FSTL5: variants seen among roughly 807,000 people sequenced by gnomAD.
FSTL5 encodes follistatin like 5, also known as follistatin-related protein 5.
Under a neutral mutation model 89.1 loss-of-function variants are expected in FSTL5, and 62 were observed. The observed-to-expected ratio is 0.70, with a 90% CI of 0.57 to 0.86. FSTL5 has a LOEUF of 0.86. Among genes scored for constraint, FSTL5 ranks in the 40% least tolerant of loss-of-function variants. FSTL5 has a pLI of 0.00. For synonymous variants in FSTL5, 383 were observed against 346.2 expected, an observed-to-expected ratio of 1.11 and a Z score of -1.18; for missense variants, 1,057 against 1,001.6, an observed-to-expected ratio of 1.06 and a Z score of -0.75.
chr4:161,940,651 T>G (rs1471981981), intron 3 of FSTL5, among the ~76,000 whole-genome samples: 1 of 151,844 alleles, frequency 6.6e-6, no homozygotes, highest in Non-Finnish European at 1.5e-5. Flanking sequence ...CCACCAATAA[T>G]TCTGTATCAG....
chr4:161,860,913 TCA>T (rs539227597), intron 4 of FSTL5, among the ~76,000 whole-genome samples: 6 of 151,060 alleles, frequency 4.0e-5, no homozygotes, highest in Middle Eastern at 3.4e-3. Context: ...CCTCTCTCTC[TCA>T]CACACACACA....
intron 3 of FSTL5, among the ~76,000 whole-genome samples, chr4:161,973,540 T>A (rs1259027642): frequency 6.6e-6 from 1 of 152,256 alleles, no homozygotes; most frequent in Non-Finnish European, 1.5e-5. Context: ...TGTATTTATG[T>A]ATAATGCCAT....
At chr4:162,132,965 C>T (rs564627536) in intron 1 of FSTL5, among the ~76,000 whole-genome samples, 2 of 152,038 alleles carry the variant, frequency 1.3e-5, no homozygotes, top group Non-Finnish European at 2.9e-5. Context: ...TTTTTTGAGA[C>T]GGAGTCTCGC....
intron 4 of FSTL5, among the ~76,000 whole-genome samples, chr4:161,903,566 A>AT (rs1215050149): frequency 1.3e-5 from 2 of 151,948 alleles, no homozygotes. Flanking sequence ...CACAACATAA[A>AT]TTTTTTATGT....
In FSTL5 at chr4:161,387,988, T is replaced by A. The variant is rs547808214; in HGVS notation, c.1842-1539A>T. On this transcript the variant is annotated intron_variant, in intron 15 of 15. Coordinates refer to ENST00000306100, the MANE Select transcript of FSTL5 (RefSeq NM_020116.5). ...CAAGGCACTGGGAATATATTGCAGA[T>A]CAACATAACTCTCCCTGTCTCCAAT... 3.3e-5 allele frequency: 5 copies of A among 152,166 alleles called. No homozygotes were observed. In the South Asian group the frequency reaches 1.0e-3, roughly 32 times the overall value. 9.4% of individuals were successfully genotyped at this position (152,166 alleles called of 1,614,324 possible).
intron 6 of FSTL5, among the ~76,000 whole-genome samples, chr4:161,721,175 G>T (rs1465447487): frequency 4.0e-5 from 6 of 151,290 alleles, no homozygotes; most frequent in African/African-American, 1.5e-4. Flanking sequence ...TTACTGGGGA[G>T]GCTGAGGCAG....
At chr4:162,015,005 A>C (rs927813768) in intron 3 of FSTL5, among the ~76,000 whole-genome samples, 1 of 152,194 alleles carries the variant, frequency 6.6e-6, no homozygotes, top group East Asian at 1.9e-4. Flanking sequence ...TTGCAGATCA[A>C]TTGCCCTCAC....
intron 7 of FSTL5, among the ~76,000 whole-genome samples, chr4:161,650,264 A>G (rs1736291040): frequency 6.6e-6 from 1 of 152,214 alleles, no homozygotes; most frequent in Non-Finnish European, 1.5e-5. Flanking sequence ...AAGCCACATT[A>G]TCATTCGTAG....
intron 10 of FSTL5, 66 bp downstream of exon 10, chr4:161,538,100 A>T (rs992701864): frequency 1.8e-5 from 27 of 1,512,270 alleles, no homozygotes; most frequent in Non-Finnish European, 2.4e-5. Context: ...TTTACTTTTT[A>T]AAAAAAGCTG....
intron 2 of FSTL5, among the ~76,000 whole-genome samples, chr4:162,089,648 A>G (rs201315152): frequency 5.6e-5 from 7 of 125,114 alleles, no homozygotes; most frequent in African/African-American, 1.9e-4. Flanking sequence ...AAAAAAAAAA[A>G]AAGAAAAAAA....
intron 12 of FSTL5, among the ~76,000 whole-genome samples, chr4:161,488,270 C>T (rs1430096687): frequency 6.6e-6 from 1 of 151,964 alleles, no homozygotes; most frequent in Non-Finnish European, 1.5e-5. Flanking sequence ...TCATATTAGT[C>T]AGAACATAGG....
chr4:162,149,374 A>G (rs1733135324), intron 1 of FSTL5, among the ~76,000 whole-genome samples: 1 of 152,076 alleles, frequency 6.6e-6, no homozygotes, highest in Non-Finnish European at 1.5e-5. Context: ...ATATAAAAAT[A>G]TTTTTTAAAA....
intron 1 of FSTL5, among the ~76,000 whole-genome samples, chr4:162,112,680 T>C (rs771462368): frequency 1.1e-4 from 17 of 152,000 alleles, no homozygotes; most frequent in African/African-American, 3.9e-4. Flanking sequence ...CATCATTCCA[T>C]CCATTTTTTC....
At chr4:161,388,697 A>G (rs1730724742) in intron 15 of FSTL5, among the ~76,000 whole-genome samples, 2 of 152,090 alleles carry the variant, frequency 1.3e-5, no homozygotes, top group African/African-American at 4.8e-5. Context: ...TCAGAGGAAA[A>G]GCAGTACTAG....
At chr4:161,423,857 A>ATTTAT (rs1253982724) in intron 15 of FSTL5, among the ~76,000 whole-genome samples, 3 of 149,798 alleles carry the variant, frequency 2.0e-5, no homozygotes, top group South Asian at 2.1e-4. Context: ...ATTTTATTTT[A>ATTTAT]TTTATTTTAT....
intron 3 of FSTL5, among the ~76,000 whole-genome samples, chr4:161,977,905 T>A (rs72693217): frequency 3.9e-5 from 6 of 152,196 alleles, no homozygotes; most frequent in Non-Finnish European, 5.9e-5. Flanking sequence ...ATAATTCTTA[T>A]GCAGCTGTTT....
intron 4 of FSTL5, among the ~76,000 whole-genome samples, chr4:161,788,595 C>T (rs924314446): frequency 6.6e-6 from 1 of 152,172 alleles, no homozygotes; most frequent in African/African-American, 2.4e-5. Context: ...CACTTTGAAA[C>T]AACACCTGTG....
chr4:161,505,154 G>T (rs1257198148), intron 11 of FSTL5, among the ~76,000 whole-genome samples: 1 of 152,036 alleles, frequency 6.6e-6, no homozygotes, highest in Admixed American at 6.6e-5. Flanking sequence ...AAATATGGAA[G>T]AAATCTCCCA....
At chr4:162,061,251 G>A (rs1484696628) in intron 2 of FSTL5, among the ~76,000 whole-genome samples, 2 of 151,898 alleles carry the variant, frequency 1.3e-5, no homozygotes, top group African/African-American at 2.4e-5. Flanking sequence ...ATGTAAAGAC[G>A]GTCACTTCCC....
Sources: gnomAD v4.1 joint callset for allele counts (sites outside exome capture counted in the v4.1 genomes callset) on GRCh38, gnomAD v4.1.1 for gene constraint, MANE v1.5 for transcripts, NCBI Gene and HGNC (gene_info 2026-07-23, HGNC 2026-07-21) for gene names.